SYT1: variants seen among roughly 807,000 people sequenced by gnomAD.
SYT1 encodes the protein synaptotagmin 1.
A neutral mutation model predicts 44.8 loss-of-function variants in SYT1; 8 were observed. That is an observed-to-expected ratio of 0.18 (90% confidence interval 0.10 to 0.32). The LOEUF is 0.32. Among genes scored for constraint, SYT1 ranks in the 10% least tolerant of loss-of-function variants. The pLI is 1.00. For synonymous variants in SYT1, 154 were observed against 188.8 expected (o/e 0.82, Z 1.51); for missense variants, 286 against 509.3 (o/e 0.56, Z 4.22).
chr12:78,944,457 A>G (rs1208183547), intron 1 of SYT1, among the ~76,000 whole-genome samples: 3 of 152,072 alleles, frequency 2.0e-5, no homozygotes, highest in Non-Finnish European at 2.9e-5. Flanking sequence ...TTTGTGTACC[A>G]TCTAATATTT....
chr12:79,308,597 A>G (rs1408647510), intron 8 of SYT1, among the ~76,000 whole-genome samples: 32 of 86,020 alleles, frequency 3.7e-4, no homozygotes, highest in African/African-American at 1.4e-3. Context: ...GAAAGAAGAA[A>G]GAAAGAAAGA....
At chr12:79,010,260 C>G (rs1164076952) in intron 2 of SYT1, among the ~76,000 whole-genome samples, 1 of 151,980 alleles carries the variant, frequency 6.6e-6, no homozygotes, top group Non-Finnish European at 1.5e-5. Context: ...AGTTGAAGTT[C>G]AAGATTAGAG....
rs886292122 is a variant in SYT1, at chr12:79,122,301, T to C, written c.-18+74939T>C. 6.6e-5 allele frequency among the ~76,000 whole-genome samples: 10 copies of C among 151,358 alleles called. No homozygotes were observed. In the East Asian group the frequency reaches 1.8e-3, roughly 27 times the overall value. On this transcript the variant is annotated intron_variant, in intron 3 of 10. Coordinates refer to ENST00000261205, the MANE Select transcript of SYT1 (RefSeq NM_005639.3). ...AGGCCGAGGCGGGCGGATCACGAGG[T>C]CAGGAGATCGAGACCATCCTGGCTA...
At chr12:79,440,192 TG>T (rs1870330320) in intron 9 of SYT1, among the ~76,000 whole-genome samples, 1 of 152,140 alleles carries the variant, frequency 6.6e-6, no homozygotes, top group Non-Finnish European at 1.5e-5. Context: ...CACTCCAGCC[TG>T]GGTGAAAGAG....
chr12:79,246,519 T>C (rs1255025985), intron 4 of SYT1, among the ~76,000 whole-genome samples: 2 of 152,144 alleles, frequency 1.3e-5, no homozygotes, highest in Non-Finnish European at 2.9e-5. Flanking sequence ...AAGTCCAAGA[T>C]CAAGGTACCA....
At chr12:79,114,327 G>T (rs1167238915) in intron 3 of SYT1, among the ~76,000 whole-genome samples, 1 of 152,144 alleles carries the variant, frequency 6.6e-6, no homozygotes, top group African/African-American at 2.4e-5. Flanking sequence ...GATTTCCCTT[G>T]TCAGGAAAGC....
chr12:79,332,429 A>G (rs1432468898), intron 8 of SYT1, among the ~76,000 whole-genome samples: 1 of 152,076 alleles, frequency 6.6e-6, no homozygotes, highest in Non-Finnish European at 1.5e-5. Flanking sequence ...AATCTTGGCA[A>G]ATTGAATTCC....
chr12:79,447,463 T>C (rs1870801956), intron 10 of SYT1, among the ~76,000 whole-genome samples: 2 of 152,178 alleles, frequency 1.3e-5, no homozygotes, highest in South Asian at 4.1e-4. Context: ...ATAAACTACA[T>C]ATGCAGCTGG....
At chr12:79,231,282 C>T (rs1875850942) in intron 4 of SYT1, among the ~76,000 whole-genome samples, 1 of 152,222 alleles carries the variant, frequency 6.6e-6, no homozygotes, top group South Asian at 2.1e-4. Flanking sequence ...TACTTGATAT[C>T]TTCTGAGTCC....
At chr12:79,349,288 A>C (rs1882786009) in intron 8 of SYT1, among the ~76,000 whole-genome samples, 1 of 152,202 alleles carries the variant, frequency 6.6e-6, no homozygotes, top group Non-Finnish European at 1.5e-5. Flanking sequence ...GAATAAAGGA[A>C]AACAAAGAGA....
At chr12:79,015,195 A>G (rs1019096055) in intron 2 of SYT1, among the ~76,000 whole-genome samples, 3 of 152,074 alleles carry the variant, frequency 2.0e-5, no homozygotes, top group African/African-American at 7.2e-5. Flanking sequence ...CATGTACCCT[A>G]AAACTTAAAG....
At chr12:79,046,563 C>G (rs548754501) in intron 2 of SYT1, 1 of 152,116 alleles carries the variant, frequency 6.6e-6, no homozygotes, top group East Asian at 1.9e-4. Context: ...AATGTTGCCT[C>G]TTGAGAAGGG....
intron 4 of SYT1, among the ~76,000 whole-genome samples, chr12:79,247,339 A>G (rs554296530): frequency 3.3e-5 from 5 of 152,288 alleles, no homozygotes; most frequent in African/African-American, 1.2e-4. Flanking sequence ...ACCATCTAAT[A>G]TGTATAACTC....
rs1880884322 is a variant in SYT1, at chr12:79,312,959, A to C, written c.810+13408A>C. On this transcript the variant is annotated intron_variant, in intron 8 of 10. Coordinates refer to ENST00000261205, the MANE Select transcript of SYT1 (RefSeq NM_005639.3). ...AGACCTCATTGCATGTCACTCTATG[A>C]ATGTTGACAATGAAAGGAATACCTT... is the stretch of plus-strand genomic sequence containing the variant. Among the ~76,000 whole-genome samples the C allele has an allele frequency of 2.0e-5, 3 of 152,172 alleles. No individual in the cohort carries two copies. In the South Asian group the frequency reaches 6.2e-4, roughly 31 times the overall value.
chr12:79,061,897 T>A (rs370140656), intron 3 of SYT1, among the ~76,000 whole-genome samples: 59 of 152,182 alleles, frequency 3.9e-4, no homozygotes, highest in African/African-American at 5.5e-4. Flanking sequence ...TATGTTTTCA[T>A]TCTTGCTACT....
intron 3 of SYT1, among the ~76,000 whole-genome samples, chr12:79,087,455 G>A (rs1269425649): frequency 6.6e-6 from 1 of 152,106 alleles, no homozygotes; most frequent in African/African-American, 2.4e-5. Flanking sequence ...GTCACAATTT[G>A]TGTTGCTGTC....
intron 3 of SYT1, among the ~76,000 whole-genome samples, chr12:79,172,461 G>A (rs73357442): frequency 0.093 from 14,058 of 151,938 alleles, 933 homozygotes; most frequent in African/African-American, 0.19. Flanking sequence ...TCTATTTAAA[G>A]ACAGGCCTTG....
intron 3 of SYT1, among the ~76,000 whole-genome samples, chr12:79,094,072 T>A (rs1415540939): frequency 1.3e-5 from 2 of 151,696 alleles, no homozygotes; most frequent in African/African-American, 4.8e-5. Flanking sequence ...AAATGTATGA[T>A]TAACAATTAA....
At chr12:79,249,869 C>G (rs1434846424) in intron 4 of SYT1, among the ~76,000 whole-genome samples, 3 of 151,878 alleles carry the variant, frequency 2.0e-5, no homozygotes, top group Admixed American at 6.6e-5. Context: ...AGTTTTGAAC[C>G]CCAACATCAG....
Sources: gnomAD v4.1 joint callset for allele counts (sites outside exome capture counted in the v4.1 genomes callset) on GRCh38, gnomAD v4.1.1 for gene constraint, MANE v1.5 for transcripts, NCBI Gene and HGNC (gene_info 2026-07-23, HGNC 2026-07-21) for gene names.